CDH13: variants seen among roughly 807,000 people sequenced by gnomAD.
CDH13 encodes cadherin-13.
Under a neutral mutation model 63.8 loss-of-function variants are expected in CDH13, and 24 were observed. That is an observed-to-expected ratio of 0.38 (90% CI 0.27 to 0.53). The LOEUF is 0.53. CDH13 is among the 20% of genes least tolerant of loss of function. CDH13 has a pLI of 0.85. For synonymous variants in CDH13, 503 were observed against 355.3 expected (o/e 1.42, Z -4.67); for missense variants, 1,049 against 903.1 (o/e 1.16, Z -2.07).
chr16:82,879,759 T>A (rs2040628201), intron 2 of CDH13, among the ~76,000 whole-genome samples: 2 of 138,538 alleles, frequency 1.4e-5, no homozygotes, highest in East Asian at 4.0e-4. Context: ...GTATATAACA[T>A]ATTTACATGA....
chr16:83,502,794 A>G (rs2074311308), intron 7 of CDH13, among the ~76,000 whole-genome samples: 1 of 152,184 alleles, frequency 6.6e-6, no homozygotes, highest in Non-Finnish European at 1.5e-5. Context: ...ATAATAAAAT[A>G]ATGGTGAGAC....
intron 5 of CDH13, among the ~76,000 whole-genome samples, chr16:83,228,367 A>G (rs962099370): frequency 5.3e-5 from 8 of 152,112 alleles, no homozygotes; most frequent in African/African-American, 9.7e-5. Context: ...AAATTATTGC[A>G]TGGTTTGTTT....
intron 11 of CDH13, among the ~76,000 whole-genome samples, chr16:83,770,764 G>C (rs1364550664): frequency 6.6e-6 from 1 of 152,136 alleles, no homozygotes; most frequent in Non-Finnish European, 1.5e-5. Context: ...GACCACGAGA[G>C]GTCACCCTTG....
chr16:83,011,183 G>T (rs1204730413), intron 2 of CDH13, among the ~76,000 whole-genome samples: 1 of 152,154 alleles, frequency 6.6e-6, no homozygotes, highest in Admixed American at 6.6e-5. Context: ...AGGTTGTTTG[G>T]AGACTAGGTT....
intron 5 of CDH13, among the ~76,000 whole-genome samples, chr16:83,324,127 TC>T (rs1454241029): frequency 1.3e-5 from 2 of 149,904 alleles, no homozygotes. Flanking sequence ...AACCTCCACC[TC>T]CCAGGTTCAA....
intron 8 of CDH13, among the ~76,000 whole-genome samples, chr16:83,648,332 C>A (rs931762283): frequency 1.3e-5 from 2 of 152,128 alleles, no homozygotes; most frequent in Non-Finnish European, 2.9e-5. Flanking sequence ...GTTTTGGAGA[C>A]TTAAGGGTCA....
chr16:83,776,244 T>C (rs1915105045), intron 11 of CDH13, among the ~76,000 whole-genome samples: 1 of 152,212 alleles, frequency 6.6e-6, no homozygotes, highest in Non-Finnish European at 1.5e-5. Flanking sequence ...TCATCCATTC[T>C]ACCAAATGAC....
intron 3 of CDH13, among the ~76,000 whole-genome samples, chr16:83,075,596 T>C (rs1373296187): frequency 6.6e-6 from 1 of 152,228 alleles, no homozygotes; most frequent in Non-Finnish European, 1.5e-5. Flanking sequence ...TGGATTCAGA[T>C]GAACTTTGAT....
intron 2 of CDH13, chr16:82,926,118 G>T (rs1461406001): frequency 6.6e-6 from 1 of 152,144 alleles, no homozygotes; most frequent in Non-Finnish European, 1.5e-5. Context: ...CACTAGGCCA[G>T]GGATTCCTAA....
rs569682080 is a variant in CDH13 at position 83,150,017 on chromosome 16, C to T, written c.483+24516C>T. Among the ~76,000 whole-genome samples, 8 of 152,242 alleles carry T rather than the reference C, an allele frequency of 5.3e-5. No homozygotes were observed. The South Asian group carries it at 1.7e-3, about 32-fold the overall frequency. Reference sequence around the variant, plus strand: ...CTTTCCACTTTATGTGTTTGTTTCCCTTTCCCAAACCTCTTCCACATTCAC... The same window carrying T: ...CTTTCCACTTTATGTGTTTGTTTCCTTTTCCCAAACCTCTTCCACATTCAC... On this transcript the variant is annotated intron_variant, in intron 4 of 13. Transcript: ENST00000567109.
At chr16:83,527,448 C>CA (rs113406128) in intron 7 of CDH13, among the ~76,000 whole-genome samples, 1,575 of 138,716 alleles carry the variant, frequency 0.011, 18 homozygotes, top group African/African-American at 0.029. Context: ...GACCCCATCT[C>CA]AAAAAAAAAA....
chr16:83,078,612 G>A (rs28602300), intron 3 of CDH13, among the ~76,000 whole-genome samples: 2,430 of 152,236 alleles, frequency 0.016, 50 homozygotes, highest in African/African-American at 0.055. Context: ...GTCCATGGCC[G>A]AGGAGTTGGG....
At chr16:82,742,061 C>T (rs1319966987) in intron 1 of CDH13, among the ~76,000 whole-genome samples, 1 of 152,082 alleles carries the variant, frequency 6.6e-6, no homozygotes, top group African/African-American at 2.4e-5. Flanking sequence ...TATATAAAAT[C>T]ATGGTGTAGA....
intron 1 of CDH13, among the ~76,000 whole-genome samples, chr16:82,803,561 T>C (rs2036980409): frequency 6.6e-6 from 1 of 152,202 alleles, no homozygotes; most frequent in South Asian, 2.1e-4. Flanking sequence ...GTAGTCGCTC[T>C]AAGTCGTTTA....
chr16:83,153,021 A>C (rs989896389), intron 4 of CDH13, among the ~76,000 whole-genome samples: 4 of 152,176 alleles, frequency 2.6e-5, no homozygotes, highest in African/African-American at 7.2e-5. Context: ...TAGTGGGTTC[A>C]CCTTACCTGC....
At position 82,758,611 on chromosome 16, in the gene CDH13, A is replaced by G. The variant is rs146912695; in HGVS notation, c.46-99751A>G. On this transcript the variant is annotated intron_variant, in intron 1 of 13. Transcript: ENST00000567109. Reference sequence around the variant, plus strand: ...CAGTGAGCCAATCAGCAGCCTCTAGAGGAGAGGTCACGCGGCACAGAATAT... The same window carrying G: ...CAGTGAGCCAATCAGCAGCCTCTAGGGGAGAGGTCACGCGGCACAGAATAT... Among the ~76,000 whole-genome samples, 526 of 152,322 alleles carry G rather than the reference A, an allele frequency of 3.5e-3. 7 individuals are homozygous for G. The highest frequency in any genetic ancestry group is 0.012 in the African/African-American group (508 of 41,576).
intron 6 of CDH13, among the ~76,000 whole-genome samples, chr16:83,451,640 C>T (rs1212915789): frequency 1.3e-5 from 2 of 152,230 alleles, no homozygotes; most frequent in Admixed American, 6.5e-5. Context: ...ACCTCAGCCT[C>T]CTAAATAGCT....
intron 3 of CDH13, among the ~76,000 whole-genome samples, chr16:83,038,843 T>A (rs1399830421): frequency 6.6e-6 from 1 of 152,218 alleles, no homozygotes; most frequent in Non-Finnish European, 1.5e-5. Flanking sequence ...TACTCTTTCT[T>A]TCTGAGTTAA....
intron 8 of CDH13, among the ~76,000 whole-genome samples, chr16:83,627,414 C>T (rs943276139): frequency 6.6e-6 from 1 of 152,246 alleles, no homozygotes; most frequent in African/African-American, 2.4e-5. Context: ...GGCCTCTGAT[C>T]TGAATAGTGC....
Sources: allele counts gnomAD v4.1 joint callset (sites outside exome capture counted in the v4.1 genomes callset), GRCh38; gene constraint gnomAD v4.1.1; transcripts MANE v1.5; gene names NCBI Gene and HGNC (gene_info 2026-07-23, HGNC 2026-07-21).